SRGAP2: variants seen among roughly 807,000 people sequenced by gnomAD.
The protein encoded by SRGAP2 is SLIT-ROBO Rho GTPase-activating protein 2.
In SRGAP2, 15 loss-of-function variants were observed where a neutral mutation model predicts 57.2. That is an observed-to-expected ratio of 0.26 (90% CI 0.18 to 0.40). The LOEUF (loss-of-function observed/expected upper bound fraction) is 0.40, where lower values mean the gene tolerates loss of function less well. SRGAP2 is among the 10% of genes least tolerant of loss of function. The probability of loss-of-function intolerance (pLI) is 1.00; values close to 1 mark genes in which losing one functional copy is unlikely to be tolerated. For synonymous variants in SRGAP2, 249 were observed against 248.0 expected (o/e 1.00, Z -0.04); for missense variants, 520 against 669.6 (o/e 0.78, Z 2.47).
At chr1:206,240,190 C>T (rs1276592864) in intron 2 of SRGAP2, among the ~76,000 whole-genome samples, 4 of 150,226 alleles carry the variant, frequency 2.7e-5, no homozygotes, top group African/African-American at 4.9e-5. Context: ...TGCTTGAACC[C>T]GGGAGGCAGA....
chr1:206,454,148 A>T lies in SRGAP2; in HGVS notation c.2361-730A>T. On this transcript the variant is annotated intron_variant, in intron 20 of 22. Transcript: ENST00000573034. This position sits in a 1 kb window ranked among gnomAD's most constrained non-coding sequence, Gnocchi z 4.3. ...CCTTAATATTATTTTTTAAAGGTTG[A>T]TATCCTGAGTGAGTCTGCACCCTCC... 1 of 702,488 alleles carries T rather than the reference A, an allele frequency of 1.4e-6. No homozygotes were observed. Among genetic ancestry groups the T allele is most frequent in the South Asian group, 1.5e-5 (1 of 67,590 alleles). 43.5% of individuals were successfully genotyped at this position (702,488 alleles called of 1,614,324 possible). A position where few individuals can be genotyped will look rare whatever the true frequency, so the allele number is the denominator to read the frequency against.
At chr1:206,328,035 C>T (rs1164570330) in intron 3 of SRGAP2, among the ~76,000 whole-genome samples, 1 of 139,076 alleles carries the variant, frequency 7.2e-6, no homozygotes, top group South Asian at 2.2e-4. Context: ...TCAAATCCCA[C>T]CTATGAGTGA....
At chr1:206,424,430 G>A (rs539794471) in intron 13 of SRGAP2, among the ~76,000 whole-genome samples, 3 of 152,270 alleles carry the variant, frequency 2.0e-5, no homozygotes, top group Admixed American at 6.5e-5. Context: ...CCAGATGGGC[G>A]GATCACCTGA....
At chr1:206,339,776 T>G (rs1675043642) in intron 3 of SRGAP2, among the ~76,000 whole-genome samples, 1 of 150,218 alleles carries the variant, frequency 6.7e-6, no homozygotes, top group Admixed American at 6.6e-5. Flanking sequence ...TATAGCACCT[T>G]GCAAGTTCTT....
chr1:206,439,445 G>A (rs1165039142), intron 16 of SRGAP2, among the ~76,000 whole-genome samples: 1 of 152,024 alleles, frequency 6.6e-6, no homozygotes, highest in African/African-American at 2.4e-5. Context: ...TGGCATGTGT[G>A]GAGTGAGCAG....
chr1:206,411,046 G>A (rs1659175326), intron 10 of SRGAP2, among the ~76,000 whole-genome samples: 1 of 152,198 alleles, frequency 6.6e-6, no homozygotes, highest in Admixed American at 6.5e-5. Flanking sequence ...ATTTTTAGTA[G>A]AGACGGGGTT....
intron 2 of SRGAP2, among the ~76,000 whole-genome samples, chr1:206,299,688 G>C (rs1390072352): frequency 6.6e-6 from 1 of 152,034 alleles, no homozygotes; most frequent in East Asian, 1.9e-4. Flanking sequence ...CAACTGTTCT[G>C]TCTTGGAGCT....
intron 2 of SRGAP2, among the ~76,000 whole-genome samples, chr1:206,240,205 G>T (rs1305034599): frequency 6.7e-6 from 1 of 149,626 alleles, no homozygotes; most frequent in Non-Finnish European, 1.5e-5. Flanking sequence ...GGCAGAGGTT[G>T]CAATGAGCTG....
intron 17 of SRGAP2, among the ~76,000 whole-genome samples, chr1:206,443,944 C>T (rs1035778959): frequency 2.6e-5 from 4 of 152,062 alleles, no homozygotes; most frequent in Non-Finnish European, 4.4e-5. Flanking sequence ...AATCCCAGCA[C>T]GTTGGGTGGC....
intron 12 of SRGAP2, among the ~76,000 whole-genome samples, chr1:206,419,606 G>C (rs187682741): frequency 2.0e-5 from 3 of 152,160 alleles, no homozygotes; most frequent in Non-Finnish European, 2.9e-5. Flanking sequence ...GGGACTTTGA[G>C]AAGGAGCTAA....
chr1:206,363,835 G>A (rs1447476496), intron 4 of SRGAP2, among the ~76,000 whole-genome samples: 6 of 152,242 alleles, frequency 3.9e-5, no homozygotes, highest in African/African-American at 7.2e-5. Context: ...CCCCATTACT[G>A]ACGGTGATAA....
intron 17 of SRGAP2, among the ~76,000 whole-genome samples, chr1:206,442,699 TA>T (rs1437252305): frequency 2.0e-5 from 3 of 152,158 alleles, no homozygotes; most frequent in Non-Finnish European, 2.9e-5. Context: ...GTGTTAACAT[TA>T]AAAAAATGCA....
At chr1:206,457,083 G>A (rs1663901417) in intron 21 of SRGAP2, among the ~76,000 whole-genome samples, 1 of 152,012 alleles carries the variant, frequency 6.6e-6, no homozygotes, top group South Asian at 2.1e-4. Context: ...TTGAACCCAG[G>A]AACTATATCT....
At chr1:206,358,975 G>A (rs1164998885) in intron 4 of SRGAP2, among the ~76,000 whole-genome samples, 1 of 151,882 alleles carries the variant, frequency 6.6e-6, no homozygotes, top group Non-Finnish European at 1.5e-5. Flanking sequence ...TTGTCTATAG[G>A]ATCTTGGAAA....
chr1:206,347,196 G>A (rs1213416610), intron 4 of SRGAP2, among the ~76,000 whole-genome samples: 1 of 149,236 alleles, frequency 6.7e-6, no homozygotes, highest in Non-Finnish European at 1.5e-5. Context: ...AGGCTGCAGT[G>A]ATCTATAATC....
At chr1:206,323,667 T>TGTAA (rs1673646689) in intron 3 of SRGAP2, among the ~76,000 whole-genome samples, 1 of 142,026 alleles carries the variant, frequency 7.0e-6, no homozygotes, top group Non-Finnish European at 1.5e-5. Context: ...ATATGCTTGA[T>TGTAA]GTAAGACCTT....
intron 10 of SRGAP2, among the ~76,000 whole-genome samples, chr1:206,415,395 A>T (rs1470607398): frequency 6.6e-6 from 1 of 152,234 alleles, no homozygotes; most frequent in East Asian, 1.9e-4. Flanking sequence ...GCTGTTGAGG[A>T]TATGGCTCAA....
intron 7 of SRGAP2, among the ~76,000 whole-genome samples, chr1:206,398,209 C>T (rs1459396261): frequency 2.0e-5 from 3 of 152,154 alleles, no homozygotes; most frequent in Non-Finnish European, 4.4e-5. Flanking sequence ...TAATGTGCTT[C>T]CTGTACTTAC....
At chr1:206,276,577 T>C (rs1168207692) in intron 2 of SRGAP2, among the ~76,000 whole-genome samples, 3 of 151,400 alleles carry the variant, frequency 2.0e-5, no homozygotes, top group African/African-American at 7.3e-5. Context: ...GTGATGTTGC[T>C]TTGGGCATAT....
Sources: gnomAD v4.1 joint callset for allele counts (sites outside exome capture counted in the v4.1 genomes callset) on GRCh38, gnomAD v4.1.1 for gene constraint, Gnocchi (gnomAD v3.1) non-coding constraint, MANE v1.5 for transcripts, NCBI Gene and HGNC (gene_info 2026-07-23, HGNC 2026-07-21) for gene names.